The following TBL1XR1 variants were observed in gnomAD, a reference collection of about 807,000 sequenced individuals.
TBL1XR1 encodes the protein F-box-like/WD repeat-containing protein TBL1XR1.
TBL1XR1 carries 5 observed loss-of-function variants against 66.9 expected under a neutral mutation model. That is an observed-to-expected ratio of 0.07 (90% confidence interval 0.04 to 0.16). The LOEUF is 0.16. Among genes scored for constraint, TBL1XR1 ranks in the 10% least tolerant of loss-of-function variants. The pLI is 1.00. For missense variants in TBL1XR1, 238 were observed against 623.2 expected, an observed-to-expected ratio of 0.38 and a Z score of 6.58; for synonymous variants, 210 against 206.0, an observed-to-expected ratio of 1.02 and a Z score of -0.17.
intron 10 of TBL1XR1, among the ~76,000 whole-genome samples, chr3:177,039,144 T>G (rs1715220120): frequency 6.6e-6 from 1 of 152,182 alleles, no homozygotes; most frequent in Admixed American, 6.5e-5. Flanking sequence ...AATTTCATGT[T>G]CAGACTTGGG....
chr3:177,177,550 GT>G (rs568455684), intron 1 of TBL1XR1, among the ~76,000 whole-genome samples: 1 of 152,142 alleles, frequency 6.6e-6, no homozygotes, highest in Non-Finnish European at 1.5e-5. Flanking sequence ...CCATTTACCC[GT>G]TTTTTCTATT....
intron 1 of TBL1XR1, among the ~76,000 whole-genome samples, chr3:177,148,818 A>T (rs1730543965): frequency 6.6e-6 from 1 of 152,146 alleles, no homozygotes; most frequent in Admixed American, 6.5e-5. Context: ...CAGCCTGGCA[A>T]ACATGGAGAA....
chr3:177,173,988 T>C (rs1217368057), intron 1 of TBL1XR1, among the ~76,000 whole-genome samples: 7 of 152,170 alleles, frequency 4.6e-5, no homozygotes, highest in Non-Finnish European at 7.4e-5. Flanking sequence ...TGTCAAAATA[T>C]ATGAAAAAGG....
chr3:177,085,803 C>A (rs1276820397), intron 2 of TBL1XR1, among the ~76,000 whole-genome samples: 1 of 152,100 alleles, frequency 6.6e-6, no homozygotes, highest in African/African-American at 2.4e-5. Context: ...GACCTGTCAT[C>A]AAGGTGCTTT....
chr3:177,133,855 G>A (rs555859488), intron 1 of TBL1XR1, among the ~76,000 whole-genome samples: 22 of 134,368 alleles, frequency 1.6e-4, no homozygotes, highest in South Asian at 1.6e-3. Context: ...CAACCTGGGC[G>A]AAAGAGTGAG....
At chr3:177,092,640 T>C (rs1045419017) in intron 2 of TBL1XR1, among the ~76,000 whole-genome samples, 3 of 152,142 alleles carry the variant, frequency 2.0e-5, no homozygotes, top group Admixed American at 6.5e-5. Context: ...TGTTGTCCAG[T>C]GTGTAGAACC....
intron 1 of TBL1XR1, among the ~76,000 whole-genome samples, chr3:177,099,654 T>C (rs1218646996): frequency 6.6e-6 from 1 of 152,232 alleles, no homozygotes; most frequent in East Asian, 1.9e-4. Context: ...CCAAGGTTTG[T>C]TGCCTAGAGG....
intron 2 of TBL1XR1, among the ~76,000 whole-genome samples, chr3:177,082,788 CTG>C (rs1195339935): frequency 4.2e-5 from 3 of 71,212 alleles, no homozygotes; most frequent in Non-Finnish European, 2.9e-5. Flanking sequence ...CGGAGTCTTG[CTG>C]TGTTGCCCAG....
chr3:177,097,921 C>T (rs1375411471), intron 2 of TBL1XR1, among the ~76,000 whole-genome samples: 2 of 152,072 alleles, frequency 1.3e-5, no homozygotes, highest in African/African-American at 4.8e-5. Context: ...ACACAGAAAT[C>T]CTCAGCTGGA....
chr3:177,077,637 C>G (rs1052661064), intron 2 of TBL1XR1, among the ~76,000 whole-genome samples: 1 of 152,142 alleles, frequency 6.6e-6, no homozygotes, highest in Non-Finnish European at 1.5e-5. Context: ...CCTTTATATG[C>G]ACTTTACTCT....
chr3:177,194,506 C>T lies in TBL1XR1; in HGVS notation c.-122+2615G>A, dbSNP rs1736573782. 2.0e-5 allele frequency among the ~76,000 whole-genome samples: 3 copies of T among 152,166 alleles called. No individual in the cohort carries two copies. The South Asian group carries it at 6.2e-4, about 31-fold the overall frequency. On this transcript the variant is annotated intron_variant, in intron 1 of 15. Coordinates refer to ENST00000457928, the MANE Select transcript of TBL1XR1 (RefSeq NM_024665.7). ...CCCAACAAATTATTTCAACCAACTT[C>T]ATCAAAATGTGTCAAGTCAGGAATT...
intron 1 of TBL1XR1, among the ~76,000 whole-genome samples, chr3:177,178,254 C>T (rs1347825307): frequency 2.6e-5 from 4 of 152,094 alleles, no homozygotes; most frequent in African/African-American, 7.2e-5. Flanking sequence ...GAACTTTATA[C>T]TGAGTGTGAT....
intron 2 of TBL1XR1, among the ~76,000 whole-genome samples, chr3:177,091,851 A>G (rs761647470): frequency 2.0e-5 from 3 of 152,190 alleles, no homozygotes; most frequent in South Asian, 2.1e-4. Context: ...AAGTAACGAA[A>G]TATCTGTTGG....
At chr3:177,151,253 T>C (rs1163955273) in intron 1 of TBL1XR1, among the ~76,000 whole-genome samples, 2 of 152,218 alleles carry the variant, frequency 1.3e-5, no homozygotes, top group Non-Finnish European at 1.5e-5. Flanking sequence ...TTTTCAAGTA[T>C]TTATGTTTCA....
At chr3:177,163,519 A>G (rs1415131592) in intron 1 of TBL1XR1, among the ~76,000 whole-genome samples, 1 of 152,180 alleles carries the variant, frequency 6.6e-6, no homozygotes, top group Non-Finnish European at 1.5e-5. Flanking sequence ...TGAAAAAAAA[A>G]AAAGAAAGCT....
chr3:177,149,550 T>C (rs915364058), intron 1 of TBL1XR1, among the ~76,000 whole-genome samples: 1 of 152,248 alleles, frequency 6.6e-6, no homozygotes, highest in East Asian at 1.9e-4. Flanking sequence ...TGTATTATAC[T>C]AATTCTACAA....
intron 1 of TBL1XR1, among the ~76,000 whole-genome samples, chr3:177,109,119 A>G (rs1386075207): frequency 4.6e-5 from 7 of 152,044 alleles, no homozygotes; most frequent in Non-Finnish European, 8.8e-5. Context: ...AAATATGGGG[A>G]AAAAACAAGT....
intron 1 of TBL1XR1, among the ~76,000 whole-genome samples, chr3:177,147,952 G>C (rs1408028327): frequency 6.6e-6 from 1 of 152,074 alleles, no homozygotes; most frequent in Non-Finnish European, 1.5e-5. Flanking sequence ...ATTTCACAGG[G>C]GACACAGAGC....
rs905366901 is a variant in TBL1XR1, at chr3:177,036,839, C to T, written c.1122+1259G>A. Among the ~76,000 whole-genome samples the T allele has an allele frequency of 2.0e-5, 3 of 152,324 alleles. 1 individual carries two copies. The South Asian group carries it at 6.2e-4, about 32-fold the overall frequency. ...TCATGATTTTCATATCTGTAACGGTCATCACATCTGCAGTCCTTGGTACTG... is the reference window on the plus strand; with the variant it reads ...TCATGATTTTCATATCTGTAACGGTTATCACATCTGCAGTCCTTGGTACTG... On this transcript the variant is annotated intron_variant, in intron 12 of 15. Transcript: ENST00000457928.
Sources: gnomAD v4.1 joint callset for allele counts (sites outside exome capture counted in the v4.1 genomes callset) on GRCh38, gnomAD v4.1.1 for gene constraint, MANE v1.5 for transcripts, NCBI Gene and HGNC (gene_info 2026-07-23, HGNC 2026-07-21) for gene names.